The following PDGFD variants were observed in gnomAD, a reference collection of about 807,000 sequenced individuals.
PDGFD encodes platelet-derived growth factor D.
A neutral mutation model predicts 44.7 loss-of-function variants in PDGFD; 30 were observed. The observed-to-expected ratio is 0.67, with a 90% CI of 0.50 to 0.91. The LOEUF is 0.91. PDGFD is among the 40% of genes least tolerant of loss of function. The pLI is 0.00. For missense variants in PDGFD, 445 were observed against 457.8 expected (o/e 0.97, Z 0.25); for synonymous variants, 173 against 168.4 (o/e 1.03, Z -0.21).
At chr11:104,148,769 AG>A in intron 1 of PDGFD, among the ~76,000 whole-genome samples, 1 of 151,922 alleles carries the variant, frequency 6.6e-6, no homozygotes, top group Non-Finnish European at 1.5e-5. Flanking sequence ...GAAAGGCCCC[AG>A]TGTGTGTTGT....
intron 1 of PDGFD, among the ~76,000 whole-genome samples, chr11:104,050,248 T>G (rs1288793684): frequency 6.6e-6 from 1 of 152,106 alleles, no homozygotes; most frequent in African/African-American, 2.4e-5. Flanking sequence ...TGGGTGTAAA[T>G]GCAGGTACAC....
chr11:103,955,728 T>C (rs1858832701), intron 3 of PDGFD, among the ~76,000 whole-genome samples: 1 of 152,192 alleles, frequency 6.6e-6, no homozygotes, highest in South Asian at 2.1e-4. Flanking sequence ...TTTAATAATA[T>C]ATGTTTCTTA....
At chr11:103,917,792 G>A (rs994708061) in intron 6 of PDGFD, among the ~76,000 whole-genome samples, 1 of 152,096 alleles carries the variant, frequency 6.6e-6, no homozygotes, top group Non-Finnish European at 1.5e-5. Context: ...TCTCTAACAT[G>A]CCTTCAATTT....
chr11:104,083,597 C>A (rs543749266), intron 1 of PDGFD, among the ~76,000 whole-genome samples: 1 of 152,018 alleles, frequency 6.6e-6, no homozygotes, highest in Non-Finnish European at 1.5e-5. Context: ...AAACGACCAA[C>A]AAAAAAATTC....
chr11:104,163,690 T>C, intron 1 of PDGFD, 114 bp downstream of exon 1: 1 of 1,288,468 alleles, frequency 7.8e-7, no homozygotes, highest in Non-Finnish European at 1.0e-6. Flanking sequence ...AAACAATGCA[T>C]TCAGCCCGAG....
intron 1 of PDGFD, among the ~76,000 whole-genome samples, chr11:104,007,716 A>G (rs952819716): frequency 6.6e-6 from 1 of 152,230 alleles, no homozygotes; most frequent in Non-Finnish European, 1.5e-5. Context: ...TTTTAACAAA[A>G]TATCATTAAT....
chr11:103,925,679 G>GTATATATATATA (rs367755559), intron 6 of PDGFD, among the ~76,000 whole-genome samples: 3 of 119,786 alleles, frequency 2.5e-5, no homozygotes, highest in Non-Finnish European at 5.1e-5. Context: ...GTGTGTCTGT[G>GTATATATATATA]TATATATATA....
At chr11:104,111,504 T>C (rs1861556980) in intron 1 of PDGFD, among the ~76,000 whole-genome samples, 1 of 152,074 alleles carries the variant, frequency 6.6e-6, no homozygotes, top group Non-Finnish European at 1.5e-5. Context: ...GCAATCCTTC[T>C]GCCTTGGCTT....
At chr11:103,968,292 T>C (rs1275249786) in intron 3 of PDGFD, among the ~76,000 whole-genome samples, 2 of 152,216 alleles carry the variant, frequency 1.3e-5, no homozygotes. Context: ...AATTTATACA[T>C]GAATGATGTC....
At chr11:103,914,865 G>C (rs934796020) in intron 6 of PDGFD, among the ~76,000 whole-genome samples, 3 of 152,202 alleles carry the variant, frequency 2.0e-5, no homozygotes, top group African/African-American at 7.2e-5. Context: ...TATCTCAATA[G>C]ATGCAGAAAA....
chr11:104,037,032 T>C (rs781551314), intron 1 of PDGFD: 2 of 1,614,164 alleles, frequency 1.2e-6, no homozygotes, highest in African/African-American at 1.3e-5. Flanking sequence ...AAGATGGCGA[T>C]ATCGTGGTTT....
intron 6 of PDGFD, among the ~76,000 whole-genome samples, chr11:103,925,716 C>CACACACATATATATAT (rs1198529368): frequency 2.4e-5 from 3 of 122,778 alleles, no homozygotes; most frequent in East Asian, 2.6e-4. Flanking sequence ...CACACACACA[C>CACACACATATATATAT]ATATATATAT....
intron 3 of PDGFD, among the ~76,000 whole-genome samples, chr11:103,948,800 A>G (rs900531577): frequency 3.9e-5 from 6 of 152,044 alleles, no homozygotes; most frequent in African/African-American, 1.5e-4. Context: ...TTATATATAA[A>G]TTTCCTGTGT....
chr11:104,046,650 TA>T (rs1376783415), intron 1 of PDGFD, among the ~76,000 whole-genome samples: 3 of 147,640 alleles, frequency 2.0e-5, no homozygotes, highest in East Asian at 3.9e-4. Flanking sequence ...TCTTTTTCAG[TA>T]AGTATTCAAT....
chr11:104,114,227 T>C (rs1861600070), intron 1 of PDGFD, among the ~76,000 whole-genome samples: 3 of 152,080 alleles, frequency 2.0e-5, no homozygotes, highest in Non-Finnish European at 4.4e-5. Flanking sequence ...GAATTTTGCA[T>C]TTTACATTTA....
intron 1 of PDGFD, among the ~76,000 whole-genome samples, chr11:104,122,741 G>A (rs1445213233): frequency 6.6e-6 from 1 of 151,728 alleles, no homozygotes; most frequent in Non-Finnish European, 1.5e-5. Context: ...ATTTTCTTCA[G>A]GTAATCAAAA....
At chr11:103,913,191 A>G (rs1858058537) in intron 6 of PDGFD, among the ~76,000 whole-genome samples, 1 of 152,186 alleles carries the variant, frequency 6.6e-6, no homozygotes, top group African/African-American at 2.4e-5. Flanking sequence ...AAATCAACAG[A>G]ATATACACTC....
At position 104,101,704 on chromosome 11, in the gene PDGFD, G is replaced by A. The variant is rs566602832; in HGVS notation, c.124+62100C>T. ...CTACAAGGCTACAGTAACCAAAACAGCATGGTACTGGTACCAACAAAGAGA... is the reference window on the plus strand; with the variant it reads ...CTACAAGGCTACAGTAACCAAAACAACATGGTACTGGTACCAACAAAGAGA... On this transcript the variant is annotated intron_variant, in intron 1 of 6. Coordinates refer to ENST00000393158, the MANE Select transcript of PDGFD (RefSeq NM_025208.5). 3.3e-5 allele frequency among the ~76,000 whole-genome samples: 5 copies of A among 152,208 alleles called. No individual in the cohort carries two copies. In the South Asian group the frequency reaches 1.0e-3, roughly 32 times the overall value.
intron 1 of PDGFD, among the ~76,000 whole-genome samples, chr11:104,119,869 T>C (rs1376864460): frequency 2.6e-5 from 2 of 78,188 alleles, no homozygotes; most frequent in African/African-American, 4.0e-5. Context: ...ATTATATATA[T>C]AATCAATTAT....
Sources: allele counts gnomAD v4.1 joint callset (sites outside exome capture counted in the v4.1 genomes callset), GRCh38; gene constraint gnomAD v4.1.1; transcripts MANE v1.5; gene names NCBI Gene and HGNC (gene_info 2026-07-23, HGNC 2026-07-21).